SDK1: variants seen among roughly 807,000 people sequenced by gnomAD.
The protein encoded by SDK1 is protein sidekick-1.
SDK1 carries 157 observed loss-of-function variants against 245.5 expected under a neutral mutation model. The observed-to-expected ratio is 0.64, with a 90% CI of 0.56 to 0.73. The LOEUF is 0.73. Ranked by LOEUF, SDK1 falls within the 30% of genes least tolerant of loss-of-function variation. The probability of loss-of-function intolerance (pLI) is 0.00; values close to 1 mark genes in which losing one functional copy is unlikely to be tolerated. For synonymous variants in SDK1, 1,647 were observed against 1,278.5 expected (o/e 1.29, Z -6.15); for missense variants, 3,583 against 3,002.3 (o/e 1.19, Z -4.52).
chr7:3,975,998 AGGCTGCC>A (rs1782927948), intron 13 of SDK1, among the ~76,000 whole-genome samples: 1 of 19,554 alleles, frequency 5.1e-5, no homozygotes, highest in African/African-American at 2.3e-4. Context: ...CCCGGGGCTG[AGGCTGCC>A]ACGCAGAGGA....
chr7:3,952,671 G>A (rs553655607), intron 7 of SDK1, among the ~76,000 whole-genome samples: 3 of 151,412 alleles, frequency 2.0e-5, no homozygotes, highest in Middle Eastern at 3.4e-3. Context: ...TAAAACTATC[G>A]GATGTTACCT....
intron 17 of SDK1, among the ~76,000 whole-genome samples, chr7:4,027,162 T>A (rs1182411125): frequency 6.6e-6 from 1 of 152,164 alleles, no homozygotes; most frequent in Non-Finnish European, 1.5e-5. Context: ...AAGTGGTCCC[T>A]GAATGGTCCA....
rs898401925 is a variant in SDK1, at chr7:3,947,419, A to G, written c.848-3504A>G. ...ATACACTGTTTATATTTACTATGTA[A>G]AGATTATCTACTGCACAGCTAGACA... is the stretch of plus-strand genomic sequence containing the variant. On this transcript the variant is annotated intron_variant, in intron 5 of 44. Transcript: ENST00000404826. 2.0e-4 allele frequency among the ~76,000 whole-genome samples: 30 copies of G among 152,146 alleles called. 1 individual carries two copies. The highest frequency in any genetic ancestry group is 1.4e-3 in the Admixed American group (22 of 15,266).
chr7:3,588,842 GAATC>G (rs893439571), intron 1 of SDK1, among the ~76,000 whole-genome samples: 2 of 152,122 alleles, frequency 1.3e-5, no homozygotes, highest in African/African-American at 2.4e-5. Flanking sequence ...GGAAATAAAA[GAATC>G]AAAGCATTGG....
At chr7:4,030,511 C>G (rs1787721503) in intron 17 of SDK1, among the ~76,000 whole-genome samples, 1 of 152,202 alleles carries the variant, frequency 6.6e-6, no homozygotes, top group African/African-American at 2.4e-5. Flanking sequence ...GACTCCTGCC[C>G]AGCAAGTTGG....
chr7:4,048,682 G>A (rs1417767321), intron 17 of SDK1, among the ~76,000 whole-genome samples: 2 of 152,302 alleles, frequency 1.3e-5, no homozygotes, highest in East Asian at 1.9e-4. Context: ...TGCCCTTCAC[G>A]AGTTTGCTGC....
intron 1 of SDK1, chr7:3,338,177 C>G (rs1221990498): frequency 7.9e-6 from 2 of 252,972 alleles, no homozygotes; most frequent in Non-Finnish European, 7.8e-6. Flanking sequence ...TTCTCTAGGC[C>G]TTTTAGAAAA....
chr7:4,221,401 A>G lies in SDK1; in HGVS notation c.5827+37A>G, dbSNP rs1397108179. ...GGCCCCACAAACGGGGTCTCAGCCC[A>G]GCGGACGGCAGTGCTTCTAAGACTG... On this transcript the variant is annotated intron_variant, in intron 40 of 44. Transcript: ENST00000404826. 5 of 1,568,898 alleles carry G rather than the reference A, an allele frequency of 3.2e-6. No homozygotes were observed. The African/African-American group carries it at 5.4e-5, about 17-fold the overall frequency.
At chr7:3,916,138 A>C (rs1377851634) in intron 5 of SDK1, among the ~76,000 whole-genome samples, 1 of 152,118 alleles carries the variant, frequency 6.6e-6, no homozygotes, top group African/African-American at 2.4e-5. Context: ...AACAAGCAAG[A>C]GTAGCGGGGG....
At chr7:3,641,678 C>A (rs1039404582) in intron 3 of SDK1, among the ~76,000 whole-genome samples, 1 of 152,244 alleles carries the variant, frequency 6.6e-6, no homozygotes, top group African/African-American at 2.4e-5. Context: ...GTGTCACAGA[C>A]AGTTGCAGAC....
chr7:4,075,201 C>T (rs907605104), intron 20 of SDK1, among the ~76,000 whole-genome samples: 3 of 152,080 alleles, frequency 2.0e-5, no homozygotes, highest in African/African-American at 7.2e-5. Flanking sequence ...CCAGGCCTCC[C>T]CTCTGGTGGC....
At chr7:3,590,300 C>CTTTTT (rs200303832) in intron 1 of SDK1, among the ~76,000 whole-genome samples, 320 of 96,120 alleles carry the variant, frequency 3.3e-3, no homozygotes, top group East Asian at 5.7e-3. Context: ...TTTCCTGTTC[C>CTTTTT]TTTTTTTTTT....
chr7:3,714,066 G>C (rs953292756), intron 4 of SDK1, among the ~76,000 whole-genome samples: 39 of 152,264 alleles, frequency 2.6e-4, no homozygotes, highest in Non-Finnish European at 5.0e-4. Flanking sequence ...AGCAAGTCGT[G>C]AGCCGGCTGC....
chr7:3,637,245 G>C (rs998652973), intron 2 of SDK1, among the ~76,000 whole-genome samples: 14 of 152,086 alleles, frequency 9.2e-5, no homozygotes, highest in Non-Finnish European at 1.9e-4. Context: ...TTACAGGCGT[G>C]TGCCACCACA....
intron 38 of SDK1, among the ~76,000 whole-genome samples, chr7:4,215,103 C>T (rs1002941280): frequency 2.6e-5 from 4 of 152,238 alleles, no homozygotes; most frequent in South Asian, 2.1e-4. Flanking sequence ...TGGCCAGAAC[C>T]CTGGCTCGCC....
intron 1 of SDK1, among the ~76,000 whole-genome samples, chr7:3,558,646 C>T (rs921305907): frequency 2.6e-5 from 4 of 152,122 alleles, no homozygotes; most frequent in Non-Finnish European, 4.4e-5. Context: ...GCTGTTAGAG[C>T]GACCGCTGGG....
At chr7:3,579,498 A>G (rs1056018432) in intron 1 of SDK1, among the ~76,000 whole-genome samples, 1 of 152,238 alleles carries the variant, frequency 6.6e-6, no homozygotes, top group Non-Finnish European at 1.5e-5. Context: ...AAAACTCTCA[A>G]TAAACTACGT....
chr7:3,670,641 C>T (rs748218899), intron 4 of SDK1, among the ~76,000 whole-genome samples: 5 of 152,096 alleles, frequency 3.3e-5, no homozygotes, highest in East Asian at 1.9e-4. Context: ...ATTTGCTTAA[C>T]GAACCACCTC....
chr7:3,672,680 A>G (rs1310607260), intron 4 of SDK1, among the ~76,000 whole-genome samples: 1 of 138,438 alleles, frequency 7.2e-6, no homozygotes, highest in African/African-American at 2.7e-5. Context: ...TAAATTTGTT[A>G]TTAAATAAAA....
Sources: gnomAD v4.1 joint callset for allele counts (sites outside exome capture counted in the v4.1 genomes callset) on GRCh38, gnomAD v4.1.1 for gene constraint, MANE v1.5 for transcripts, NCBI Gene and HGNC (gene_info 2026-07-23, HGNC 2026-07-21) for gene names.